AMZ1: variants seen among roughly 807,000 people sequenced by gnomAD.
The protein encoded by AMZ1 is archaelysin family metallopeptidase 1, also known as archaemetzincin-1.
In AMZ1, 39 loss-of-function variants were observed where a neutral mutation model predicts 29.9. The ratio of observed to expected loss-of-function variants is 1.30; its 90% CI spans 1.01 to 1.70. The LOEUF is 1.70. Among genes scored for constraint, AMZ1 ranks in the 40% most tolerant of loss-of-function variants. AMZ1 has a pLI of 0.00. For missense variants in AMZ1, 1,041 were observed against 680.6 expected (o/e 1.53, Z -5.89); for synonymous variants, 458 against 304.0 (o/e 1.51, Z -5.27).
rs1420163919 is a variant in AMZ1 at position 2,714,173 on chromosome 7, G to A, written c.*1295G>A. On this transcript the variant is annotated 3_prime_UTR_variant, in exon 7 of 7. Coordinates refer to ENST00000683327, the MANE Select transcript of AMZ1 (RefSeq NM_001384743.1). ...GACAGCGGAATCCCTTCGGAGTGAC[G>A]AGGGCGGGGTCACAGCTCGCGCACC... 6.6e-6 allele frequency: 1 copy of A among 152,362 alleles called. No homozygotes were observed. The highest frequency in any genetic ancestry group is 6.5e-5 in the Admixed American group (1 of 15,288). The allele number at this position is 152,362 out of a possible 1,614,324, so 9.4% of individuals were successfully genotyped here.
At chr7:2,690,231 G>A (rs1349133852) in intron 1 of AMZ1, among the ~76,000 whole-genome samples, 1 of 152,086 alleles carries the variant, frequency 6.6e-6, no homozygotes, top group Non-Finnish European at 1.5e-5. Context: ...GAGACAGACA[G>A]ACAGACAGAC....
In AMZ1 at chr7:2,734,252, C is replaced by T. The variant is rs367597053; in HGVS notation, n.550+24436C>T. 1.3e-4 allele frequency among the ~76,000 whole-genome samples: 20 copies of T among 152,282 alleles called. No homozygotes were observed. The South Asian group carries it at 2.1e-3, about 16-fold the overall frequency. ...GGAGGAGCCGGGAGAGCGCAACCAC[C>T]GACCACAGAGCAGCCCGCATATGAA... On this transcript the variant is annotated intron_variant and non_coding_transcript_variant, in intron 4 of 4. Transcript: ENST00000489665.
chr7:2,751,756 T>C lies in AMZ1; in HGVS notation n.551-12956T>C, dbSNP rs562179375. On this transcript the variant is annotated intron_variant and non_coding_transcript_variant, in intron 4 of 4. Transcript: ENST00000489665. Reference sequence around the variant, plus strand: ...CAACTTTATGCTAACAGATTGGACATCTTATACGAAATGGACAAATTGCTT... The same window carrying C: ...CAACTTTATGCTAACAGATTGGACACCTTATACGAAATGGACAAATTGCTT... Among the ~76,000 whole-genome samples the C allele has an allele frequency of 2.0e-5, 3 of 152,352 alleles. No individual in the cohort carries two copies. The South Asian group carries it at 6.2e-4, about 32-fold the overall frequency.
chr7:2,706,576 CT>C (rs1329891420), intron 3 of AMZ1, among the ~76,000 whole-genome samples: 1 of 152,222 alleles, frequency 6.6e-6, no homozygotes, highest in Non-Finnish European at 1.5e-5. Flanking sequence ...CTGGAAGTTG[CT>C]GGCAATGCCC....
chr7:2,682,597 A>G (rs1300324012), intron 1 of AMZ1, among the ~76,000 whole-genome samples: 2 of 152,114 alleles, frequency 1.3e-5, no homozygotes, highest in South Asian at 2.1e-4. Context: ...TGCCTGGACC[A>G]GGATTCAGAC....
At chr7:2,746,375 C>T (rs1436961265) in intron 4 of AMZ1, among the ~76,000 whole-genome samples, 4 of 151,890 alleles carry the variant, frequency 2.6e-5, no homozygotes, top group Non-Finnish European at 5.9e-5. Flanking sequence ...AAATCAAAAC[C>T]GCTCAACTAC....
intron 3 of AMZ1, among the ~76,000 whole-genome samples, chr7:2,703,877 G>C (rs775063163): frequency 1.6e-4 from 24 of 152,042 alleles, no homozygotes; most frequent in Non-Finnish European, 2.5e-4. Context: ...TACTCTCTCT[G>C]GAGTCACATC....
intron 4 of AMZ1, chr7:2,728,142 T>C (rs865894136): frequency 6.6e-6 from 1 of 152,264 alleles, no homozygotes. Context: ...TTTATTTTAA[T>C]AAACATTCAG....
downstream of AMZ1, among the ~76,000 whole-genome samples, chr7:2,721,417 T>A (rs1271634714): frequency 6.6e-6 from 1 of 152,166 alleles, no homozygotes; most frequent in Non-Finnish European, 1.5e-5. Context: ...CACACATTCT[T>A]CTGTTTGAAA....
chr7:2,744,254 C>T (rs1227681396), intron 4 of AMZ1, among the ~76,000 whole-genome samples: 1 of 152,238 alleles, frequency 6.6e-6, no homozygotes, highest in Non-Finnish European at 1.5e-5. Flanking sequence ...AGTAGCCTAA[C>T]TGGGAGGCAC....
chr7:2,764,674 T>C (rs1412456794), exon 1 of AMZ1: 1 of 152,238 alleles, frequency 6.6e-6, no homozygotes, highest in Non-Finnish European at 1.5e-5. Flanking sequence ...TCTGTCTGAA[T>C]GCATCTGAGT....
upstream of AMZ1, chr7:2,762,807 C>T (rs1424726192): frequency 4.6e-6 from 7 of 1,529,196 alleles, no homozygotes; most frequent in Non-Finnish European, 5.3e-6. Flanking sequence ...GCACTCAGGG[C>T]GGCCTCCCAT....
At chr7:2,689,752 A>AGG (rs1787277219) in intron 1 of AMZ1, among the ~76,000 whole-genome samples, 1 of 152,174 alleles carries the variant, frequency 6.6e-6, no homozygotes, top group Non-Finnish European at 1.5e-5. Flanking sequence ...TTAGCAGAGG[A>AGG]GGGGGACACA....
chr7:2,744,501 C>T (rs1016703005), intron 4 of AMZ1, among the ~76,000 whole-genome samples: 7 of 152,156 alleles, frequency 4.6e-5, no homozygotes, highest in African/African-American at 1.7e-4. Flanking sequence ...AGGACATCCA[C>T]ACCAAAAACC....
chr7:2,726,883 T>C (rs1583196173), intron 4 of AMZ1, among the ~76,000 whole-genome samples: 1 of 151,942 alleles, frequency 6.6e-6, no homozygotes, highest in Non-Finnish European at 1.5e-5. Flanking sequence ...ACCCCAGGGG[T>C]TGTGAGGACA....
intron 4 of AMZ1, among the ~76,000 whole-genome samples, chr7:2,756,240 T>C (rs1359174761): frequency 3.3e-5 from 5 of 152,054 alleles, no homozygotes; most frequent in Admixed American, 3.3e-4. Flanking sequence ...AAACTGGTGA[T>C]CTGCACATAA....
rs1583186651 is a variant in AMZ1, at chr7:2,716,739, C to G, written c.*3861C>G. Among the ~76,000 whole-genome samples the G allele has an allele frequency of 6.6e-6, 1 of 152,230 alleles. No homozygotes were observed. The highest frequency in any genetic ancestry group is 1.5e-5 in the Non-Finnish European group (1 of 68,036). On this transcript the variant is annotated 3_prime_UTR_variant, in exon 7 of 7. Coordinates refer to ENST00000683327, the MANE Select transcript of AMZ1 (RefSeq NM_001384743.1). ...GCCCACCTGGACAGGCAAGTCTTCC[C>G]TAGTGGGTCAGTCAACTCCACCGCT...
Position 2,716,178 on chromosome 7 carries a change from C to T in AMZ1, c.*3300C>T, listed in dbSNP as rs962790209. 1 of 152,250 alleles carries T rather than the reference C, an allele frequency of 6.6e-6. No individual in the cohort carries two copies. The highest frequency in any genetic ancestry group is 6.5e-5 in the Admixed American group (1 of 15,280). 9.4% of individuals were successfully genotyped at this position (152,250 alleles called of 1,614,324 possible). On this transcript the variant is annotated 3_prime_UTR_variant, in exon 7 of 7. Coordinates refer to ENST00000683327, the MANE Select transcript of AMZ1 (RefSeq NM_001384743.1). The stretch of plus-strand genomic sequence containing the variant: ...CCTTCTGAAGTGGCTAGAATACACA[C>T]TCCCACGTCACAGCCATGCTATGAT...
Position 2,700,522 on chromosome 7 carries a change from C to T in AMZ1, c.71C>T (p.Thr24Ile), listed in dbSNP as rs780230622. Residue 24 changes from threonine (T) to isoleucine (I), a missense_variant, in exon 2 of 7, where the codon ACT becomes ATT. Coordinates refer to ENST00000683327, the MANE Select transcript of AMZ1 (RefSeq NM_001384743.1). The stretch of plus-strand genomic sequence containing the variant: ...GCCTTGAAGGACGCTCTGGTCTCCA[C>T]TGACGCAGCCCTGCAGCAGCTGTAT... Reference protein sequence around the residue: ...PRALKDALVSTDAALQQLYVS... With the variant: ...PRALKDALVSIDAALQQLYVS... 1.2e-6 allele frequency: 2 copies of T among 1,607,974 alleles called. No homozygotes were observed. Among genetic ancestry groups the T allele is most frequent in the Admixed American group, 1.7e-5 (1 of 60,028 alleles).
Sources: gnomAD v4.1 joint callset for allele counts (sites outside exome capture counted in the v4.1 genomes callset) on GRCh38, gnomAD v4.1.1 for gene constraint, MANE v1.5 for transcripts, NCBI Gene and HGNC (gene_info 2026-07-23, HGNC 2026-07-21) for gene names.